Variants in ANKS1A observed in about 807,000 individuals in gnomAD.
ANKS1A encodes ankyrin repeat and SAM domain-containing protein 1A.
ANKS1A carries 55 observed loss-of-function variants against 120.3 expected under a neutral mutation model. The observed-to-expected ratio is 0.46, with a 90% CI of 0.37 to 0.57. The LOEUF is 0.57. Ranked by LOEUF, ANKS1A falls within the 20% of genes least tolerant of loss-of-function variation. The pLI is 0.00. For missense variants in ANKS1A, 1,123 were observed against 1,480.3 expected (o/e 0.76, Z 3.96); for synonymous variants, 590 against 604.7 (o/e 0.98, Z 0.36).
In ANKS1A at chr6:35,014,869, T is replaced by G. The variant is rs956364015; in HGVS notation, c.1424-2604T>G. Among the ~76,000 whole-genome samples, 5 of 152,328 alleles carry G rather than the reference T, an allele frequency of 3.3e-5. No individual in the cohort carries two copies. The South Asian group carries it at 1.0e-3, about 32-fold the overall frequency. Reference sequence around the variant, plus strand: ...GAGATGGCAAATTTTACAGCCTGATTAACTCTCCCCATCAGCTTCTCCTAG... The same window carrying G: ...GAGATGGCAAATTTTACAGCCTGATGAACTCTCCCCATCAGCTTCTCCTAG... On this transcript the variant is annotated intron_variant, in intron 10 of 23. Coordinates refer to ENST00000360359, the MANE Select transcript of ANKS1A (RefSeq NM_015245.3).
intron 20 of ANKS1A, 132 bp downstream of exon 20, chr6:35,083,635 T>G: frequency 1.2e-6 from 1 of 821,412 alleles, no homozygotes; most frequent in Admixed American, 2.2e-5. Flanking sequence ...GTCCTCTTAT[T>G]ACTTCCCACT....
At position 34,981,697 on chromosome 6, in the gene ANKS1A, A is replaced by C. The variant is rs751374285; in HGVS notation, c.443A>C (p.Asp148Ala). The change falls in exon 4 of 24, where the codon GAC becomes GCC. Residue 148 changes from aspartate to alanine, a missense_variant. By Grantham distance (126) the Asp-to-Ala change is moderately radical. Around this residue, in one of 3 missense-constraint regions of ANKS1A, gnomAD observed 146 missense variants for 267.8 expected, o/e 0.55. Coordinates refer to ENST00000360359, the MANE Select transcript of ANKS1A (RefSeq NM_015245.3). ...TGCTTGTTAACCCTTTAGAACAATG[A>C]CAACGAGACAGCCCTGCATTGTGCA... Reference protein sequence around the residue: ...SHTRVNEQNNDNETALHCAAQ... With the variant: ...SHTRVNEQNNANETALHCAAQ... 10 of 1,613,988 alleles carry C rather than the reference A, an allele frequency of 6.2e-6. No individual in the cohort carries two copies. In the South Asian group the frequency reaches 1.1e-4, roughly 18 times the overall value.
In ANKS1A at chr6:34,967,375, G is replaced by A. The variant is rs962215422; in HGVS notation, c.278+56G>A. On this transcript the variant is annotated intron_variant, in intron 2 of 23. Coordinates refer to ENST00000360359, the MANE Select transcript of ANKS1A (RefSeq NM_015245.3). ...CACCCTTCAGAACCCAGGCCTTCACGTTGCCTTTTCATTTCCTAGAAAAGT... is the reference window on the plus strand; with the variant it reads ...CACCCTTCAGAACCCAGGCCTTCACATTGCCTTTTCATTTCCTAGAAAAGT... The A allele has an allele frequency of 7.7e-6, 12 of 1,563,796 alleles. No homozygotes were observed. The African/African-American group carries it at 8.2e-5, about 11-fold the overall frequency.
At chr6:34,987,030 T>C (rs1285225951) in intron 8 of ANKS1A, among the ~76,000 whole-genome samples, 1 of 152,202 alleles carries the variant, frequency 6.6e-6, no homozygotes, top group Non-Finnish European at 1.5e-5. Flanking sequence ...ACAGGTCTCT[T>C]TGTTCCCTCC....
intron 11 of ANKS1A, among the ~76,000 whole-genome samples, chr6:35,029,450 G>A (rs756439042): frequency 6.0e-5 from 9 of 149,314 alleles, no homozygotes; most frequent in Non-Finnish European, 1.0e-4. Context: ...CTGGGTTCAA[G>A]CTGTTCTCCT....
rs553103502 is a variant in ANKS1A at position 35,091,108 on chromosome 6, T to C, written c.*2499T>C. 5 of 985,938 alleles carry C rather than the reference T, an allele frequency of 5.1e-6. No individual in the cohort carries two copies. The highest frequency in any genetic ancestry group is 6.0e-6 in the Non-Finnish European group (5 of 829,948). The allele number at this position is 985,938 out of a possible 1,614,324, so 61.1% of individuals were successfully genotyped here. On this transcript the variant is annotated 3_prime_UTR_variant, in exon 24 of 24. Coordinates refer to ENST00000360359, the MANE Select transcript of ANKS1A (RefSeq NM_015245.3). ...AGCTCAGAAGTATTGTTGCTCATGG[T>C]GTGGCAATGGACTGAACTGTAATGA...
At position 35,089,095 on chromosome 6, in the gene ANKS1A, G is replaced by T; in HGVS notation, c.*486G>T. ...GAAGGCGGTGGCCTGTGGGTGAGGG[G>T]AACGGAGCAGGCTCAGGCAGAATTG... On this transcript the variant is annotated 3_prime_UTR_variant, in exon 24 of 24. Coordinates refer to ENST00000360359, the MANE Select transcript of ANKS1A (RefSeq NM_015245.3). 1 of 1,047,152 alleles carries T rather than the reference G, an allele frequency of 9.5e-7. No individual in the cohort carries two copies. 64.9% of individuals were successfully genotyped at this position (1,047,152 alleles called of 1,614,324 possible).
chr6:35,002,039 C>CT (rs1335165083), intron 10 of ANKS1A, among the ~76,000 whole-genome samples: 5 of 152,134 alleles, frequency 3.3e-5, no homozygotes, highest in Non-Finnish European at 7.3e-5. Context: ...GCTGTGGTGA[C>CT]TTTAATAAAT....
chr6:34,970,156 T>C lies in ANKS1A; in HGVS notation c.425T>C (p.Val142Ala). The change falls in exon 3 of 24, where the codon GTC becomes GCC. Residue 142 changes from valine to alanine, a missense_variant. Val to Ala is a moderately conservative substitution (Grantham distance 64). Transcript: ENST00000360359. ...CATCAAGGGCCTTCACACACCAGAG[T>C]CAATGAACAGGTCGGAAGGAAGGGA... ...LIHQGPSHTR[V>A]NEQNNDNETA... 1 of 1,613,350 alleles carries C rather than the reference T, an allele frequency of 6.2e-7. No homozygotes were observed. The highest frequency in any genetic ancestry group is 1.1e-5 in the South Asian group (1 of 90,980).
At chr6:35,001,497 A>C (rs1773163823) in intron 10 of ANKS1A, among the ~76,000 whole-genome samples, 1 of 152,252 alleles carries the variant, frequency 6.6e-6, no homozygotes, top group African/African-American at 2.4e-5. Context: ...TGGAGTAATA[A>C]GTCATGCCAA....
At position 35,052,348 on chromosome 6, in the gene ANKS1A, G is replaced by A. The variant is rs972204655; in HGVS notation, c.2011-1751G>A. Among the ~76,000 whole-genome samples, 4 of 151,984 alleles carry A rather than the reference G, an allele frequency of 2.6e-5. No individual in the cohort carries two copies. In the South Asian group the frequency reaches 8.3e-4, roughly 32 times the overall value. ...CGCCTGTAGTCCCAGCTACTAGGGA[G>A]GCTGAGGTGGGTGGATCACTTGGGC... is the stretch of plus-strand genomic sequence containing the variant. On this transcript the variant is annotated intron_variant, in intron 11 of 23. Transcript: ENST00000360359.
intron 1 of ANKS1A, among the ~76,000 whole-genome samples, chr6:34,916,954 T>C (rs1004237254): frequency 3.3e-5 from 5 of 152,230 alleles, no homozygotes; most frequent in Admixed American, 2.0e-4. Flanking sequence ...TCCTCATTAA[T>C]GTTCTACCCT....
Position 35,089,320 on chromosome 6 carries a change from G to T in ANKS1A, c.*711G>T. On this transcript the variant is annotated 3_prime_UTR_variant, in exon 24 of 24. Transcript: ENST00000360359. ...GTTCAGTGGCCAAATGAAGATAAGT[G>T]TGCAGTTTCTAGTGCTGGGAAGTCT... 3.0e-6 allele frequency: 3 copies of T among 987,566 alleles called. No individual in the cohort carries two copies. Among genetic ancestry groups the T allele is most frequent in the Non-Finnish European group, 3.6e-6 (3 of 831,222 alleles). 61.2% of individuals were successfully genotyped at this position (987,566 alleles called of 1,614,324 possible). A position where few individuals can be genotyped will look rare whatever the true frequency, so the allele number is the denominator to read the frequency against.
chr6:35,069,918 T>C (rs887491405), intron 13 of ANKS1A, among the ~76,000 whole-genome samples: 1 of 150,444 alleles, frequency 6.6e-6, no homozygotes, highest in Non-Finnish European at 1.5e-5. Flanking sequence ...TCCCAGCTAC[T>C]TGGGAGGCTG....
At position 35,086,422 on chromosome 6, in the gene ANKS1A, C is replaced by T. The variant is rs1203453487; in HGVS notation, c.3303+486C>T. On this transcript the variant is annotated intron_variant, in intron 22 of 23. Coordinates refer to ENST00000360359, the MANE Select transcript of ANKS1A (RefSeq NM_015245.3). The surrounding 1 kb of genome is among the most constrained non-coding windows in gnomAD (Gnocchi z 5.1). Reference sequence around the variant, plus strand: ...TCAGTCTCCCCGAAGTGACCGTGAGCGCTCTTAGCCTCTGGCGGCCTCTCC... The same window carrying T: ...TCAGTCTCCCCGAAGTGACCGTGAGTGCTCTTAGCCTCTGGCGGCCTCTCC... 32 of 1,221,722 alleles carry T rather than the reference C, an allele frequency of 2.6e-5. 1 individual carries two copies. The South Asian group carries it at 2.9e-4, about 11-fold the overall frequency. The allele number at this position is 1,221,722 out of a possible 1,614,324, so 75.7% of individuals were successfully genotyped here.
intron 1 of ANKS1A, among the ~76,000 whole-genome samples, chr6:34,930,795 G>A (rs374582988): frequency 1.3e-5 from 2 of 151,954 alleles, no homozygotes; most frequent in East Asian, 3.9e-4. Flanking sequence ...CCCCTTCCTC[G>A]CTTGTAAGCT....
chr6:34,918,716 T>C (rs1402581388), intron 1 of ANKS1A, among the ~76,000 whole-genome samples: 1 of 152,202 alleles, frequency 6.6e-6, no homozygotes, highest in Non-Finnish European at 1.5e-5. Context: ...AAGTATTGTT[T>C]CCTTCTGATC....
rs820090 is a variant in ANKS1A at position 35,056,314 on chromosome 6, A to G, written c.2077+2149A>G. On this transcript the variant is annotated intron_variant, in intron 12 of 23. Coordinates refer to ENST00000360359, the MANE Select transcript of ANKS1A (RefSeq NM_015245.3). ...TTGTTGTTGTTGTTGTTTGAGACGG[A>G]GTCTCGCTCTTTCGCCCAGGCTGGA... is the stretch of plus-strand genomic sequence containing the variant. 1.2e-3 allele frequency among the ~76,000 whole-genome samples: 182 copies of G among 152,256 alleles called. 1 individual carries two copies. Among genetic ancestry groups the G allele is most frequent in the African/African-American group, 4.3e-3 (177 of 41,532 alleles).
intron 10 of ANKS1A, among the ~76,000 whole-genome samples, chr6:34,996,514 C>T (rs577503188): frequency 6.6e-6 from 1 of 151,578 alleles, no homozygotes; most frequent in Non-Finnish European, 1.5e-5. Flanking sequence ...TGCTCTGTCA[C>T]CAGGCTGGAG....
Sources: gnomAD v4.1 joint callset for allele counts (sites outside exome capture counted in the v4.1 genomes callset) on GRCh38, gnomAD v4.1.1 for gene constraint, gnomAD v4.1.1 regional missense constraint, Gnocchi (gnomAD v3.1) non-coding constraint, MANE v1.5 for transcripts, NCBI Gene and HGNC (gene_info 2026-07-23, HGNC 2026-07-21) for gene names.